The following MAPK14 variants were observed in gnomAD, a reference collection of about 807,000 sequenced individuals.
MAPK14 encodes mitogen-activated protein kinase 14.
MAPK14 carries 16 observed loss-of-function variants against 49.6 expected under a neutral mutation model. The observed-to-expected ratio is 0.32, with a 90% confidence interval of 0.22 to 0.49. MAPK14 has a LOEUF of 0.49. Among genes scored for constraint, MAPK14 ranks in the 20% least tolerant of loss-of-function variants. The pLI is 0.99. For synonymous variants in MAPK14, 142 were observed against 158.0 expected (o/e 0.90, Z 0.76); for missense variants, 200 against 441.2 (o/e 0.45, Z 4.90).
intron 6 of MAPK14, 72 bp downstream of exon 6, chr6:36,074,168 T>C: frequency 1.8e-6 from 2 of 1,130,412 alleles, no homozygotes; most frequent in South Asian, 1.3e-5. Flanking sequence ...AGGCAGACTT[T>C]CTTAGGGAGT....
intron 10 of MAPK14, among the ~76,000 whole-genome samples, chr6:36,106,654 A>T (rs1377222041): frequency 6.6e-6 from 1 of 152,200 alleles, no homozygotes; most frequent in African/African-American, 2.4e-5. Context: ...TTCAGAAAAA[A>T]ATACATATAA....
chr6:36,064,278 C>CCG (rs1763954991), intron 3 of MAPK14, among the ~76,000 whole-genome samples: 1 of 126,550 alleles, frequency 7.9e-6, no homozygotes, highest in Non-Finnish European at 1.7e-5. Flanking sequence ...ATGCCCCCCC[C>CCG]CACCCCTTTT....
intron 3 of MAPK14, among the ~76,000 whole-genome samples, chr6:36,061,550 A>G (rs993198878): frequency 3.3e-5 from 5 of 152,220 alleles, no homozygotes; most frequent in African/African-American, 1.2e-4. Flanking sequence ...CTAGCTGGAT[A>G]CTGTTTTTTA....
chr6:36,072,864 A>G lies in MAPK14; in HGVS notation c.306-9A>G, dbSNP rs200211543. 5 of 1,450,272 alleles carry G rather than the reference A, an allele frequency of 3.4e-6. No homozygotes were observed. The highest frequency in any genetic ancestry group is 3.9e-5 in the Admixed American group (2 of 51,282). 89.8% of individuals were successfully genotyped at this position (1,450,272 alleles called of 1,614,324 possible). A position where few individuals can be genotyped will look rare whatever the true frequency, so the allele number is the denominator to read the frequency against. Reference sequence around the variant, plus strand: ...CTAGATTGTTATGTAACTTTTCACTAATTTCTAGGTATCTGGTGACCCATC... The same window carrying G: ...CTAGATTGTTATGTAACTTTTCACTGATTTCTAGGTATCTGGTGACCCATC... On this transcript the variant is annotated splice_polypyrimidine_tract_variant and intron_variant, in intron 3 of 11. Transcript: ENST00000229794.
intron 8 of MAPK14, among the ~76,000 whole-genome samples, chr6:36,091,154 G>A (rs1581830292): frequency 6.6e-6 from 1 of 152,098 alleles, no homozygotes; most frequent in Non-Finnish European, 1.5e-5. Context: ...TCTGGCCTGT[G>A]GAGGTTTTTT....
rs376249245 is a variant in MAPK14, at chr6:36,091,468, C to T, written c.683-4519C>T. On this transcript the variant is annotated intron_variant, in intron 8 of 11. Transcript: ENST00000229794. ...TCTACCTAAGAGAAACAGGGCTAAA[C>T]CTATTACAAAGGATGGCTCACTGTG... is the stretch of plus-strand genomic sequence containing the variant. 5.9e-5 allele frequency among the ~76,000 whole-genome samples: 9 copies of T among 152,210 alleles called. No individual in the cohort carries two copies. In the South Asian group the frequency reaches 1.5e-3, roughly 25 times the overall value.
chr6:36,117,009 A>G, the MAPK14 span, among the ~76,000 whole-genome samples: 2 of 152,162 alleles, frequency 1.3e-5, no homozygotes, highest in African/African-American at 2.4e-5. Context: ...GTTTTTTTAA[A>G]GAAAATTTAA....
At chr6:36,038,086 T>C (rs1762820211) in intron 1 of MAPK14, among the ~76,000 whole-genome samples, 1 of 152,054 alleles carries the variant, frequency 6.6e-6, no homozygotes, top group African/African-American at 2.4e-5. Flanking sequence ...ATATAGTGTG[T>C]CAGATAAGTG....
Position 36,051,492 on chromosome 6 carries a change from G to A in MAPK14, c.117-1207G>A, listed in dbSNP as rs146123633. ...TCTAGCTGCTGCCTGCATCTCTTAC[G>A]TCATCCCTTCCCACTCTCCCCTTGC... is the stretch of plus-strand genomic sequence containing the variant. On this transcript the variant is annotated intron_variant, in intron 1 of 11. Coordinates refer to ENST00000229794, the MANE Select transcript of MAPK14 (RefSeq NM_139012.3). 2.6e-3 allele frequency among the ~76,000 whole-genome samples: 398 copies of A among 152,160 alleles called. 1 individual carries two copies. The highest frequency in any genetic ancestry group is 9.1e-3 in the African/African-American group (378 of 41,490).
chr6:36,028,131 T>G lies in MAPK14; in HGVS notation c.-27T>G. The G allele has an allele frequency of 6.4e-7, 1 of 1,564,692 alleles. No individual in the cohort carries two copies. The highest frequency in any genetic ancestry group is 1.1e-5 in the South Asian group (1 of 89,348). ...CAGGCGGGGGCCCCACAGGGCCACC[T>G]TCTTGCCCGGCGGCTGCCGCTGGAA... On this transcript the variant is annotated 5_prime_UTR_variant, in exon 1 of 12. Coordinates refer to ENST00000229794, the MANE Select transcript of MAPK14 (RefSeq NM_139012.3). The surrounding 1 kb of genome is among the most constrained non-coding windows in gnomAD (Gnocchi z 5.1).
chr6:36,052,254 G>T (rs1036478236), intron 1 of MAPK14, among the ~76,000 whole-genome samples: 1 of 152,178 alleles, frequency 6.6e-6, no homozygotes, highest in Non-Finnish European at 1.5e-5. Flanking sequence ...GGCCTAGGCA[G>T]GGAAGACAGA....
chr6:36,050,770 A>C lies in MAPK14; in HGVS notation c.117-1929A>C, dbSNP rs1182423357. ...GAAGACTCCTACGCACCTGCTAGCC[A>C]GGAGGTATCTGGGCTATTAGAGAAT... On this transcript the variant is annotated intron_variant, in intron 1 of 11. Coordinates refer to ENST00000229794, the MANE Select transcript of MAPK14 (RefSeq NM_139012.3). 2.6e-5 allele frequency among the ~76,000 whole-genome samples: 4 copies of C among 152,212 alleles called. No individual in the cohort carries two copies. In the South Asian group the frequency reaches 8.3e-4, roughly 32 times the overall value.
At chr6:36,066,716 A>G (rs938990453) in intron 3 of MAPK14, among the ~76,000 whole-genome samples, 1 of 151,810 alleles carries the variant, frequency 6.6e-6, no homozygotes, top group African/African-American at 2.4e-5. Flanking sequence ...GTACTTGGAT[A>G]AAAATTGTGC....
At position 36,028,715 on chromosome 6, in the gene MAPK14, A is replaced by G. The variant is rs1357464983; in HGVS notation, c.116+442A>G. Among the ~76,000 whole-genome samples the G allele has an allele frequency of 6.6e-6, 1 of 151,738 alleles. No individual in the cohort carries two copies. The highest frequency in any genetic ancestry group is 1.5e-5 in the Non-Finnish European group (1 of 67,978). ...ACAAGCTCGGGGAACTGCCGGGAGA[A>G]GCAGAAGGGCACAGCCCAACCCGAA... On this transcript the variant is annotated intron_variant, in intron 1 of 11. Coordinates refer to ENST00000229794, the MANE Select transcript of MAPK14 (RefSeq NM_139012.3). The surrounding 1 kb of genome is among the most constrained non-coding windows in gnomAD (Gnocchi z 5.1).
At chr6:36,046,686 G>A (rs1763192217) in intron 1 of MAPK14, among the ~76,000 whole-genome samples, 1 of 152,158 alleles carries the variant, frequency 6.6e-6, no homozygotes, top group Admixed American at 6.5e-5. Flanking sequence ...ATAATAAATT[G>A]TGATTGTTGG....
chr6:36,117,407 T>C, the MAPK14 span, among the ~76,000 whole-genome samples: 3 of 152,174 alleles, frequency 2.0e-5, no homozygotes, highest in Non-Finnish European at 4.4e-5. Context: ...ACCCTCTTCC[T>C]CCTCCTCATT....
chr6:36,034,897 CTTTTT>C (rs200316205), intron 1 of MAPK14, among the ~76,000 whole-genome samples: 1 of 121,036 alleles, frequency 8.3e-6, no homozygotes, highest in Non-Finnish European at 1.7e-5. Flanking sequence ...TTCTTTCTTT[CTTTTT>C]TTTTTTTTTT....
chr6:36,088,800 G>GA (rs1284771811), intron 8 of MAPK14, among the ~76,000 whole-genome samples: 4 of 151,800 alleles, frequency 2.6e-5, no homozygotes, highest in Non-Finnish European at 4.4e-5. Flanking sequence ...CAACAAACAT[G>GA]AAAAAAAGCT....
At chr6:36,032,129 A>G (rs932742276) in intron 1 of MAPK14, among the ~76,000 whole-genome samples, 5 of 152,292 alleles carry the variant, frequency 3.3e-5, no homozygotes, top group African/African-American at 4.8e-5. Flanking sequence ...GAATATTTCA[A>G]TGAATAAAAT....
Sources: gnomAD v4.1 joint callset for allele counts (sites outside exome capture counted in the v4.1 genomes callset) on GRCh38, gnomAD v4.1.1 for gene constraint, Gnocchi (gnomAD v3.1) non-coding constraint, MANE v1.5 for transcripts, NCBI Gene and HGNC (gene_info 2026-07-23, HGNC 2026-07-21) for gene names.